The following CAPS2 variants were observed in gnomAD, a reference collection of about 807,000 sequenced individuals.
CAPS2 encodes the protein calcyphosine 2, also known as calcyphosin-2.
Under a neutral mutation model 86.5 loss-of-function variants are expected in CAPS2, and 98 were observed. That is an observed-to-expected ratio of 1.13 (90% CI 0.96 to 1.34). The LOEUF is 1.34. Among genes scored for constraint, CAPS2 ranks in the 40% most tolerant of loss-of-function variants. The pLI is 0.00. For missense variants in CAPS2, 729 were observed against 686.8 expected (o/e 1.06, Z -0.69); for synonymous variants, 210 against 225.1 (o/e 0.93, Z 0.60).
At chr12:75,325,557 GAGCAACTACAT>G (rs2040690296) in intron 1 of CAPS2, 1 of 152,590 alleles carries the variant, frequency 6.6e-6, no homozygotes, top group Non-Finnish European at 1.5e-5. Flanking sequence ...GTCTATAACA[GAGCAACTACAT>G]AGCAGTATGC....
rs780890451 is a variant in CAPS2 at position 75,351,758 on chromosome 12, C to T, written c.-394-28536G>A. 1.5e-3 allele frequency among the ~76,000 whole-genome samples: 228 copies of T among 152,096 alleles called. 3 individuals carry two copies. Among genetic ancestry groups the T allele is most frequent in the Non-Finnish European group, 4.7e-4 (32 of 67,956 alleles). Reference sequence around the variant, plus strand: ...GACGGGGTTTTGCCATGTTGGCCAGCCTGGTCTCGAACTCCTGACCTCAGG... The same window carrying T: ...GACGGGGTTTTGCCATGTTGGCCAGTCTGGTCTCGAACTCCTGACCTCAGG... On this transcript the variant is annotated intron_variant, in intron 1 of 5. Coordinates refer to the CAPS2 transcript ENST00000551829.
intron 1 of CAPS2, among the ~76,000 whole-genome samples, chr12:75,361,887 C>T (rs535078604): frequency 6.6e-6 from 1 of 152,174 alleles, no homozygotes; most frequent in Non-Finnish European, 1.5e-5. Flanking sequence ...CAGAGCCAAA[C>T]CATATCAATA....
intron 1 of CAPS2, among the ~76,000 whole-genome samples, chr12:75,357,360 AT>A (rs2043220687): frequency 6.6e-6 from 1 of 152,200 alleles, no homozygotes; most frequent in South Asian, 2.1e-4. Flanking sequence ...GATTAAAATT[AT>A]GTAAAATAAG....
upstream of CAPS2, among the ~76,000 whole-genome samples, chr12:75,328,875 T>C (rs555007568): frequency 2.2e-3 from 329 of 152,270 alleles, 2 homozygotes; most frequent in Middle Eastern, 0.017. Flanking sequence ...GTGGTTAACT[T>C]AGATATAGTA....
chr12:75,313,913 A>G (rs2039482178), intron 6 of CAPS2, among the ~76,000 whole-genome samples: 1 of 152,142 alleles, frequency 6.6e-6, no homozygotes, highest in Non-Finnish European at 1.5e-5. Context: ...AGCCTACACT[A>G]AATTTAGTTT....
At chr12:75,374,286 T>G (rs1205760410) in intron 1 of CAPS2, among the ~76,000 whole-genome samples, 2 of 152,230 alleles carry the variant, frequency 1.3e-5, no homozygotes, top group African/African-American at 4.8e-5. Flanking sequence ...CTGGCAGCCT[T>G]TCGAGTTACT....
chr12:75,336,336 C>T (rs2041737627), intron 1 of CAPS2, among the ~76,000 whole-genome samples: 1 of 151,736 alleles, frequency 6.6e-6, no homozygotes, highest in African/African-American at 2.4e-5. Context: ...TAGACTAAAA[C>T]TTAACCATGT....
chr12:75,330,090 G>C (rs532235751), upstream of CAPS2: 2 of 393,452 alleles, frequency 5.1e-6, no homozygotes, highest in African/African-American at 4.1e-5. Context: ...CGCAGCGCAG[G>C]GCTTCTGATT....
exon 17 of CAPS2, chr12:75,277,676 T>C: frequency 1.0e-6 from 1 of 979,824 alleles, no homozygotes. Context: ...ACACTTCTCA[T>C]GTTGCTGCCA....
chr12:75,333,897 G>A (rs2041521608), upstream of CAPS2: 1 of 152,210 alleles, frequency 6.6e-6, no homozygotes, highest in Non-Finnish European at 1.5e-5. Context: ...TATAACTGAT[G>A]TAATGAATTT....
intron 1 of CAPS2, among the ~76,000 whole-genome samples, chr12:75,380,415 C>T (rs2139802559): frequency 6.6e-6 from 1 of 152,244 alleles, no homozygotes; most frequent in African/African-American, 2.4e-5. Context: ...TATCACTTGC[C>T]AATGTCCTCC....
intron 1 of CAPS2, among the ~76,000 whole-genome samples, chr12:75,385,879 T>C (rs902347460): frequency 6.6e-6 from 1 of 152,146 alleles, no homozygotes; most frequent in African/African-American, 2.4e-5. Flanking sequence ...TACTTAGTCA[T>C]AAATCTAACA....
chr12:75,306,147 G>A (rs2038463610), intron 7 of CAPS2: 1 of 1,067,098 alleles, frequency 9.4e-7, no homozygotes, highest in Non-Finnish European at 1.4e-6. Flanking sequence ...TCATCACCGA[G>A]GAGTTCGTCC....
intron 4 of CAPS2, among the ~76,000 whole-genome samples, chr12:75,322,420 A>T (rs938154914): frequency 2.6e-5 from 4 of 152,216 alleles, no homozygotes; most frequent in Non-Finnish European, 4.4e-5. Flanking sequence ...AACCCACAGG[A>T]GAAGGATGAA....
intron 1 of CAPS2, among the ~76,000 whole-genome samples, chr12:75,359,434 C>G (rs1449306336): frequency 1.4e-5 from 2 of 138,066 alleles, no homozygotes; most frequent in Non-Finnish European, 3.1e-5. Context: ...AAAATTCCAC[C>G]AGGATTTTAT....
At chr12:75,300,328 G>A (rs148019242) in intron 8 of CAPS2, among the ~76,000 whole-genome samples, 222 of 151,944 alleles carry the variant, frequency 1.5e-3, no homozygotes, top group Admixed American at 2.0e-3. Context: ...AGGCCGAGGC[G>A]GGTGGATCAC....
At position 75,347,659 on chromosome 12, in the gene CAPS2, T is replaced by C. The variant is rs1462083846; in HGVS notation, c.-394-24437A>G. ...AATTCATTTTATGTCGGTTGTGCAG[T>C]TGCAATGTGTCCTAACCTTGGGGGA... On this transcript the variant is annotated intron_variant, in intron 1 of 5. Transcript: ENST00000551829. The C allele has an allele frequency of 1.2e-6, 2 of 1,610,104 alleles. No homozygotes were observed. The highest frequency in any genetic ancestry group is 2.2e-5 in the East Asian group (1 of 44,662).
chr12:75,308,677 G>T (rs113737092), intron 7 of CAPS2, among the ~76,000 whole-genome samples: 2,612 of 152,054 alleles, frequency 0.017, 66 homozygotes, highest in African/African-American at 0.053. Flanking sequence ...GGGGAAATGA[G>T]GCAGGAAAAT....
intron 1 of CAPS2, among the ~76,000 whole-genome samples, chr12:75,389,003 C>CA (rs1330215249): frequency 1.3e-4 from 19 of 151,610 alleles, no homozygotes; most frequent in East Asian, 7.7e-4. Flanking sequence ...CAAAACAAAA[C>CA]AAAAAAAACA....
Sources: gnomAD v4.1 joint callset for allele counts (sites outside exome capture counted in the v4.1 genomes callset) on GRCh38, gnomAD v4.1.1 for gene constraint, MANE v1.5 for transcripts, NCBI Gene and HGNC (gene_info 2026-07-23, HGNC 2026-07-21) for gene names.